Variants in LITAF observed in about 807,000 individuals in gnomAD.
LITAF encodes lipopolysaccharide-induced tumor necrosis factor-alpha factor.
LITAF carries 9 observed loss-of-function variants against 14.5 expected under a neutral mutation model. That is an observed-to-expected ratio of 0.62 (90% CI 0.37 to 1.08). The LOEUF (loss-of-function observed/expected upper bound fraction) is 1.08, where lower values mean the gene tolerates loss of function less well. Among genes scored for constraint, LITAF ranks in the 50% least tolerant of loss-of-function variants. The probability of loss-of-function intolerance (pLI) is 0.01; values close to 1 mark genes in which losing one functional copy is unlikely to be tolerated. For missense variants in LITAF, 206 were observed against 213.4 expected (o/e 0.97, Z 0.22); for synonymous variants, 98 against 88.2 (o/e 1.11, Z -0.62).
Position 11,547,886 on chromosome 16 carries a change from T to A in LITAF, c.*1751A>T, listed in dbSNP as rs750569086. 5.5e-5 allele frequency: 25 copies of A among 453,984 alleles called. No homozygotes were observed. Among genetic ancestry groups the A allele is most frequent in the Non-Finnish European group, 1.1e-4 (25 of 226,810 alleles). 28.1% of individuals were successfully genotyped at this position (453,984 alleles called of 1,614,324 possible). On this transcript the variant is annotated 3_prime_UTR_variant, in exon 4 of 4. Transcript: ENST00000622633. ...GCAGGATATTCAGCAAGTCTGAAGT[T>A]TTTAATCGGGAAGGATTTTCTACCG...
intron 3 of LITAF, among the ~76,000 whole-genome samples, chr16:11,610,237 G>A (rs1004816935): frequency 7.2e-5 from 11 of 152,236 alleles, no homozygotes; most frequent in Non-Finnish European, 1.3e-4. Context: ...GAAAACAGGG[G>A]ATCTCTATCG....
At chr16:11,574,750 C>G (rs2141807345) in intron 1 of LITAF, among the ~76,000 whole-genome samples, 1 of 152,234 alleles carries the variant, frequency 6.6e-6, no homozygotes, top group South Asian at 2.1e-4. Context: ...ACCACTCCCA[C>G]TATATCAACC....
At chr16:11,582,563 T>A (rs2064754665) in intron 1 of LITAF, among the ~76,000 whole-genome samples, 1 of 152,070 alleles carries the variant, frequency 6.6e-6, no homozygotes, top group South Asian at 2.1e-4. Flanking sequence ...CTGGTCTCCA[T>A]CTCCCAGCCC....
intron 3 of LITAF, among the ~76,000 whole-genome samples, chr16:11,617,257 A>G (rs1239302968): frequency 6.6e-6 from 1 of 152,012 alleles, no homozygotes; most frequent in East Asian, 1.9e-4. Flanking sequence ...AGATGCCAGC[A>G]CATTGCTAAA....
At chr16:11,552,139 G>A (rs28707572) in intron 3 of LITAF, among the ~76,000 whole-genome samples, 4,020 of 152,156 alleles carry the variant, frequency 0.026, 168 homozygotes, top group African/African-American at 0.087. Context: ...AGTCACCAAA[G>A]GACAATGTGG....
rs9926459 is a variant in LITAF, at chr16:11,604,421, G to C, written c.85+29112C>G. 7.4e-3 allele frequency among the ~76,000 whole-genome samples: 1,121 copies of C among 152,186 alleles called. 15 individuals are homozygous for C. Among genetic ancestry groups the C allele is most frequent in the African/African-American group, 0.023 (961 of 41,520 alleles). ...TTTTGTATCATAAATATATTGTTTA[G>C]ATAGCAAAGGGAATTTATTTGCTCA... is the stretch of plus-strand genomic sequence containing the variant. On this transcript the variant is annotated intron_variant, in intron 3 of 3. Transcript: ENST00000574848.
chr16:11,626,211 G>A (rs1418661279), intron 3 of LITAF, among the ~76,000 whole-genome samples: 1 of 152,060 alleles, frequency 6.6e-6, no homozygotes, highest in African/African-American at 2.4e-5. Context: ...TTTATACAGT[G>A]AGTCAGAGTC....
chr16:11,585,933 T>C (rs1436688752), intron 1 of LITAF, among the ~76,000 whole-genome samples: 1 of 152,222 alleles, frequency 6.6e-6, no homozygotes, highest in Non-Finnish European at 1.5e-5. Context: ...CCAACTAGCC[T>C]GGTCCCTGAA....
At chr16:11,596,931 A>G (rs1183290570) in intron 1 of LITAF, among the ~76,000 whole-genome samples, 2 of 152,028 alleles carry the variant, frequency 1.3e-5, no homozygotes, top group Non-Finnish European at 2.9e-5. Flanking sequence ...CCACCATCTC[A>G]TTTTCTCCTT....
upstream of LITAF, among the ~76,000 whole-genome samples, chr16:11,588,320 C>A (rs538950070): frequency 1.3e-3 from 205 of 152,100 alleles, no homozygotes; most frequent in African/African-American, 4.3e-3. Flanking sequence ...CATAGTGAGA[C>A]TCCATCTCTA....
At chr16:11,638,079 T>G (rs1388301073), upstream of LITAF, among the ~76,000 whole-genome samples, 41 of 132,194 alleles carry the variant, frequency 3.1e-4, 2 homozygotes, top group African/African-American at 4.9e-4. Flanking sequence ...TATATATATC[T>G]ATATCTATCT....
At chr16:11,629,310 G>C (rs1301636151) in intron 3 of LITAF, 1 of 152,440 alleles carries the variant, frequency 6.6e-6, no homozygotes, top group African/African-American at 2.4e-5. Context: ...TAGAAGCAGA[G>C]CCTGTGATGG....
intron 3 of LITAF, among the ~76,000 whole-genome samples, chr16:11,611,301 C>G (rs919629433): frequency 8.1e-4 from 123 of 152,250 alleles, no homozygotes; most frequent in Admixed American, 2.9e-3. Flanking sequence ...CACGATCACC[C>G]CCCTACACTC....
chr16:11,626,728 T>C (rs1225519046), intron 3 of LITAF, among the ~76,000 whole-genome samples: 1 of 152,182 alleles, frequency 6.6e-6, no homozygotes, highest in Non-Finnish European at 1.5e-5. Context: ...CACCTTGGCC[T>C]CCCAAAGTGC....
chr16:11,630,865 A>G (rs1363665061), intron 3 of LITAF, among the ~76,000 whole-genome samples: 1 of 152,038 alleles, frequency 6.6e-6, no homozygotes, highest in African/African-American at 2.4e-5. Flanking sequence ...CCAAAGTGCT[A>G]AGATCACAGG....
In LITAF at chr16:11,576,554, A is replaced by AAG. The variant is rs1555469758; in HGVS notation, c.-6+10330_-6+10331dup. On this transcript the variant is annotated intron_variant, in intron 1 of 3. Coordinates refer to ENST00000622633, the MANE Select transcript of LITAF (RefSeq NM_001136472.2). ...ATCTGCAAAAAAAAAAAAAAAAAAAAAGAGAGAGAGAAAGAGAAAAAGAGA... is the reference window on the plus strand; with the variant it reads ...ATCTGCAAAAAAAAAAAAAAAAAAAAAGAGAGAGAGAGAAAGAGAAAAAGAGA... Among the ~76,000 whole-genome samples, 25 of 116,648 alleles carry AAG rather than the reference A, an allele frequency of 2.1e-4. 2 individuals are homozygous for AAG. The highest frequency in any genetic ancestry group is 7.7e-4 in the African/African-American group (23 of 29,942). The allele number at this position is 116,648 out of a possible 152,430, so 76.5% of individuals were successfully genotyped here. A position where few individuals can be genotyped will look rare whatever the true frequency, so the allele number is the denominator to read the frequency against.
At chr16:11,556,154 G>C (rs191416925) in intron 2 of LITAF, 5 of 412,914 alleles carry the variant, frequency 1.2e-5, no homozygotes, top group Admixed American at 4.0e-5. Context: ...TTCCTACCTC[G>C]GCCCTGGCCT....
chr16:11,564,849 T>C (rs1239056170), intron 1 of LITAF, among the ~76,000 whole-genome samples: 3 of 151,982 alleles, frequency 2.0e-5, no homozygotes. Context: ...GGTGAATTCA[T>C]AGAGATACAA....
chr16:11,638,822 C>G (rs2065153557), upstream of LITAF, among the ~76,000 whole-genome samples: 1 of 145,990 alleles, frequency 6.8e-6, no homozygotes, highest in Admixed American at 7.0e-5. Flanking sequence ...ATAGGAATCA[C>G]AGGTATTTTT....
Sources: allele counts gnomAD v4.1 joint callset (sites outside exome capture counted in the v4.1 genomes callset), GRCh38; gene constraint gnomAD v4.1.1; transcripts MANE v1.5; gene names NCBI Gene and HGNC (gene_info 2026-07-23, HGNC 2026-07-21).